Variants in BBS9 observed in about 807,000 individuals in gnomAD.
The protein encoded by BBS9 is Bardet-Biedl syndrome 9.
BBS9 carries 89 observed loss-of-function variants against 117.7 expected under a neutral mutation model. The ratio of observed to expected loss-of-function variants is 0.76; its 90% CI spans 0.64 to 0.90. BBS9 has a LOEUF of 0.90. BBS9 is among the 40% of genes least tolerant of loss of function. The pLI is 0.00. For missense variants in BBS9, 982 were observed against 1,042.2 expected (o/e 0.94, Z 0.80); for synonymous variants, 379 against 370.9 (o/e 1.02, Z -0.25).
intron 19 of BBS9, among the ~76,000 whole-genome samples, chr7:33,403,082 AT>A (rs1017840818): frequency 2.7e-4 from 41 of 151,318 alleles, no homozygotes; most frequent in Non-Finnish European, 4.9e-4. Flanking sequence ...TTCCTTTAAA[AT>A]TTTTTAAAAA....
At chr7:33,630,285 A>C (rs921258550) in intron 21 of BBS9, among the ~76,000 whole-genome samples, 6 of 152,230 alleles carry the variant, frequency 3.9e-5, no homozygotes, top group Non-Finnish European at 7.3e-5. Context: ...TCAAATTGAA[A>C]CAGAACAAAA....
intron 20 of BBS9, chr7:33,533,721 TC>T (rs1380473315): frequency 2.0e-5 from 11 of 557,996 alleles, no homozygotes; most frequent in Admixed American, 6.1e-5. Context: ...ACTGTTAACA[TC>T]CTCATTTGTA....
intron 17 of BBS9, among the ~76,000 whole-genome samples, chr7:33,381,129 T>C (rs189913974): frequency 6.6e-6 from 1 of 152,364 alleles, no homozygotes; most frequent in East Asian, 1.9e-4. Flanking sequence ...ATTGTTAATA[T>C]AGTTCTTATC....
intron 9 of BBS9, among the ~76,000 whole-genome samples, chr7:33,295,833 G>A (rs1805145704): frequency 6.6e-6 from 1 of 151,886 alleles, no homozygotes; most frequent in African/African-American, 2.4e-5. Flanking sequence ...GGTCAACAGT[G>A]AATTTTTTTA....
At chr7:33,351,538 C>T (rs1818653637) in intron 14 of BBS9, 2 of 555,834 alleles carry the variant, frequency 3.6e-6, no homozygotes. Context: ...GTTTGGTTCC[C>T]TCTTTTCAGT....
At chr7:33,624,274 C>T (rs1255538209) in intron 21 of BBS9, among the ~76,000 whole-genome samples, 1 of 151,956 alleles carries the variant, frequency 6.6e-6, no homozygotes, top group Non-Finnish European at 1.5e-5. Context: ...ACTATAAATA[C>T]CTATCCTTGT....
chr7:33,618,768 T>C (rs1865266959), intron 21 of BBS9, among the ~76,000 whole-genome samples: 1 of 152,126 alleles, frequency 6.6e-6, no homozygotes, highest in Non-Finnish European at 1.5e-5. Context: ...CAAGTGAAGT[T>C]CTTTTCAGCT....
At chr7:33,218,946 G>C (rs1328626706) in intron 5 of BBS9, among the ~76,000 whole-genome samples, 1 of 152,258 alleles carries the variant, frequency 6.6e-6, no homozygotes, top group African/African-American at 2.4e-5. Context: ...GCCAGAGCTG[G>C]CTCCCTCAGC....
chr7:33,151,770 C>T (rs777850173), intron 2 of BBS9, among the ~76,000 whole-genome samples: 5 of 150,992 alleles, frequency 3.3e-5, no homozygotes, highest in Non-Finnish European at 5.9e-5. Flanking sequence ...AGGCTGGTCT[C>T]GAACTCCTGA....
intron 21 of BBS9, among the ~76,000 whole-genome samples, chr7:33,600,434 A>AG (rs1202387140): frequency 2.0e-5 from 3 of 152,044 alleles, no homozygotes; most frequent in African/African-American, 7.2e-5. Flanking sequence ...TGTAAACTAT[A>AG]GAGAGCCGGG....
intron 2 of BBS9, among the ~76,000 whole-genome samples, chr7:33,150,596 A>G (rs922323752): frequency 3.3e-5 from 5 of 152,172 alleles, no homozygotes; most frequent in Non-Finnish European, 7.3e-5. Context: ...AGGCAGACAA[A>G]TCCAGTTTGT....
intron 19 of BBS9, among the ~76,000 whole-genome samples, chr7:33,388,896 T>C (rs1474007656): frequency 6.6e-6 from 1 of 152,222 alleles, no homozygotes; most frequent in African/African-American, 2.4e-5. Flanking sequence ...AATGTTACTC[T>C]CCTGTTTCAA....
chr7:33,508,187 C>T (rs1165897024), intron 20 of BBS9, among the ~76,000 whole-genome samples: 2 of 152,210 alleles, frequency 1.3e-5, no homozygotes, highest in Non-Finnish European at 1.5e-5. Flanking sequence ...TCTTCCAGTG[C>T]TCTCTACCTT....
At chr7:33,573,674 G>A (rs777115399) in intron 21 of BBS9, among the ~76,000 whole-genome samples, 1 of 152,032 alleles carries the variant, frequency 6.6e-6, no homozygotes, top group Non-Finnish European at 1.5e-5. Context: ...CTTCATCTTA[G>A]CTATTTCTTA....
chr7:33,405,619 A>G lies in BBS9; in HGVS notation c.2115+17475A>G, dbSNP rs535283779. ...TTTATCCATTTCTTCTAGATTTTCT[A>G]GTTTATTTGCGTAGAGGTGTTTGTA... On this transcript the variant is annotated intron_variant, in intron 19 of 22. Transcript: ENST00000242067. Among the ~76,000 whole-genome samples, 131 of 152,202 alleles carry G rather than the reference A, an allele frequency of 8.6e-4. 1 individual carries two copies. Among genetic ancestry groups the G allele is most frequent in the African/African-American group, 3.1e-3 (129 of 41,498 alleles).
intron 19 of BBS9, among the ~76,000 whole-genome samples, chr7:33,493,025 C>T (rs984437088): frequency 5.3e-5 from 8 of 152,028 alleles, no homozygotes; most frequent in Admixed American, 3.3e-4. Flanking sequence ...GATGAAGTCT[C>T]ACTCTGTTGC....
intron 5 of BBS9, among the ~76,000 whole-genome samples, chr7:33,248,115 AT>A (rs533417302): frequency 8.5e-4 from 130 of 152,258 alleles, no homozygotes; most frequent in Middle Eastern, 3.4e-3. Flanking sequence ...CTTAAATTTT[AT>A]TTTCTTGTAT....
intron 13 of BBS9, among the ~76,000 whole-genome samples, chr7:33,349,767 T>C (rs537296612): frequency 3.9e-5 from 6 of 152,292 alleles, no homozygotes; most frequent in South Asian, 4.1e-4. Context: ...GCTTTCTTTA[T>C]TGGTGTTTCT....
At chr7:33,433,735 A>G (rs913975360) in intron 19 of BBS9, among the ~76,000 whole-genome samples, 1 of 152,140 alleles carries the variant, frequency 6.6e-6, no homozygotes, top group Non-Finnish European at 1.5e-5. Flanking sequence ...GCCAACTGGA[A>G]TGAAATAAGA....
Sources: gnomAD v4.1 joint callset for allele counts (sites outside exome capture counted in the v4.1 genomes callset) on GRCh38, gnomAD v4.1.1 for gene constraint, MANE v1.5 for transcripts, NCBI Gene and HGNC (gene_info 2026-07-23, HGNC 2026-07-21) for gene names.